The following GRAMD4 variants were observed in gnomAD, a reference collection of about 807,000 sequenced individuals.
GRAMD4 encodes GRAM domain containing 4.
In GRAMD4, 25 loss-of-function variants were observed where a neutral mutation model predicts 83.9. The ratio of observed to expected loss-of-function variants is 0.30; its 90% CI spans 0.22 to 0.42. The LOEUF is 0.42. GRAMD4 is among the 10% of genes least tolerant of loss of function. GRAMD4 has a pLI of 1.00. For missense variants in GRAMD4, 593 were observed against 788.7 expected (o/e 0.75, Z 2.97); for synonymous variants, 336 against 320.9 (o/e 1.05, Z -0.50).
At chr22:46,668,940 A>C (rs2076711) in intron 13 of GRAMD4, 32 bp downstream of exon 13, 343,281 of 1,252,112 alleles carry the variant, frequency 0.27, 50,197 homozygotes, top group East Asian at 0.4. Context: ...CTGTAGCTTC[A>C]GGAGGAGGGA....
chr22:46,605,720 A>G (rs1004052782), intron 1 of GRAMD4, among the ~76,000 whole-genome samples: 3 of 148,794 alleles, frequency 2.0e-5, no homozygotes, highest in African/African-American at 7.4e-5. Flanking sequence ...GCATCTCTGC[A>G]TGGGCCTATG....
chr22:46,651,639 G>A (rs2082167763), intron 3 of GRAMD4, among the ~76,000 whole-genome samples: 1 of 152,230 alleles, frequency 6.6e-6, no homozygotes, highest in African/African-American at 2.4e-5. Flanking sequence ...GGGGTCTTGG[G>A]AGAGCAGGTG....
At chr22:46,668,254 C>A in intron 11 of GRAMD4, 87 bp downstream of exon 11, 2 of 840,572 alleles carry the variant, frequency 2.4e-6, no homozygotes, top group South Asian at 1.5e-5. Context: ...AGGGGTAGGT[C>A]TCCGCCGGCC....
chr22:46,592,915 C>A lies in GRAMD4; in HGVS notation c.-50+15625C>A, dbSNP rs189637681. ...TTATGAAGTATTCCAGAATCACTTA[C>A]ATGAATATTTTGTCCTAAATTCTGT... On this transcript the variant is annotated intron_variant, in intron 1 of 1. Coordinates refer to the GRAMD4 transcript ENST00000431155. 4.4e-4 allele frequency among the ~76,000 whole-genome samples: 67 copies of A among 152,302 alleles called. 1 individual carries two copies. The highest frequency in any genetic ancestry group is 1.5e-3 in the African/African-American group (61 of 41,566).
chr22:46,630,276 T>C (rs576248046), intron 2 of GRAMD4, among the ~76,000 whole-genome samples: 1 of 152,286 alleles, frequency 6.6e-6, no homozygotes, highest in South Asian at 2.1e-4. Flanking sequence ...TCCACCCGCC[T>C]CAGCCTCCCA....
At chr22:46,593,243 C>T (rs930426312) in intron 1 of GRAMD4, among the ~76,000 whole-genome samples, 2 of 152,042 alleles carry the variant, frequency 1.3e-5, no homozygotes, top group African/African-American at 4.8e-5. Context: ...CCTGATGAAC[C>T]ATCACGGGAT....
chr22:46,603,972 G>T (rs2147063764), intron 1 of GRAMD4, among the ~76,000 whole-genome samples: 1 of 152,300 alleles, frequency 6.6e-6, no homozygotes, highest in Non-Finnish European at 1.5e-5. Context: ...TTTTGGGAAG[G>T]TGTGAGGTGC....
Position 46,584,567 on chromosome 22 carries a change from G to A in GRAMD4, c.-50+7277G>A, listed in dbSNP as rs375398117. On this transcript the variant is annotated intron_variant, in intron 1 of 1. Coordinates refer to the GRAMD4 transcript ENST00000431155. Reference sequence around the variant, plus strand: ...ACACATCTACTTAATTGTTAGTACCGGTGTGTCTGCGTAGTGGGACTGGAG... The same window carrying A: ...ACACATCTACTTAATTGTTAGTACCAGTGTGTCTGCGTAGTGGGACTGGAG... Among the ~76,000 whole-genome samples, 20 of 152,230 alleles carry A rather than the reference G, an allele frequency of 1.3e-4. No homozygotes were observed. In the South Asian group the frequency reaches 3.1e-3, roughly 24 times the overall value.
chr22:46,600,050 C>T (rs925990571), intron 1 of GRAMD4, among the ~76,000 whole-genome samples: 4 of 152,250 alleles, frequency 2.6e-5, no homozygotes, highest in Non-Finnish European at 4.4e-5. Context: ...AAGGGTCCTG[C>T]GGAGAGTGGA....
At chr22:46,665,237 G>A (rs1035547070) in intron 8 of GRAMD4, among the ~76,000 whole-genome samples, 8 of 152,206 alleles carry the variant, frequency 5.3e-5, no homozygotes, top group African/African-American at 9.7e-5. Flanking sequence ...AGGTGGCCCC[G>A]GGCATGCACC....
At chr22:46,648,747 CATGG>C (rs2082112110) in intron 3 of GRAMD4, among the ~76,000 whole-genome samples, 1 of 34,190 alleles carries the variant, frequency 2.9e-5, no homozygotes. Flanking sequence ...TGGATGGATG[CATGG>C]ATGGATGGAT....
chr22:46,662,910 G>A (rs2082349764), intron 5 of GRAMD4, 130 bp from the exon 6 acceptor site: 1 of 768,794 alleles, frequency 1.3e-6, no homozygotes, highest in Non-Finnish European at 2.1e-6. Flanking sequence ...ACCTACCCCC[G>A]AGCATTCCTT....
In GRAMD4 at chr22:46,664,130, T is replaced by G; in HGVS notation, c.717+13T>G. ...CATTGCCTTCACCGTGAGTGGGTCC[T>G]CCAGGGGCCGAGCAGGGTGGGTGGG... On this transcript the variant is annotated intron_variant, in intron 8 of 18. Transcript: ENST00000406902. 1.3e-6 allele frequency: 2 copies of G among 1,563,342 alleles called. No homozygotes were observed. The highest frequency in any genetic ancestry group is 1.8e-6 in the Non-Finnish European group (2 of 1,137,294).
downstream of GRAMD4, among the ~76,000 whole-genome samples, chr22:46,681,180 A>C (rs2080583): frequency 0.06 from 7,489 of 124,028 alleles, 304 homozygotes; most frequent in African/African-American, 0.13. Flanking sequence ...CCACACAGAC[A>C]GGGGGCAGTG....
At position 46,678,972 on chromosome 22, in the gene GRAMD4, G is replaced by A. The variant is rs747670035; in HGVS notation, c.*1721G>A. 542 of 985,658 alleles carry A rather than the reference G, an allele frequency of 5.5e-4. 1 individual carries two copies. Among genetic ancestry groups the A allele is most frequent in the Non-Finnish European group, 6.3e-4 (525 of 829,998 alleles). 61.1% of individuals were successfully genotyped at this position (985,658 alleles called of 1,614,324 possible). On this transcript the variant is annotated 3_prime_UTR_variant, in exon 19 of 19. Coordinates refer to ENST00000406902, the MANE Select transcript of GRAMD4 (RefSeq NM_015124.5). Reference sequence around the variant, plus strand: ...CCTTTCCCGAATGGGGACAGAACCCGCTCTGAGCCGTGGGTCTGGCTCCTG... The same window carrying A: ...CCTTTCCCGAATGGGGACAGAACCCACTCTGAGCCGTGGGTCTGGCTCCTG...
intron 10 of GRAMD4, among the ~76,000 whole-genome samples, chr22:46,667,725 G>C (rs1426232671): frequency 6.6e-6 from 1 of 152,258 alleles, no homozygotes; most frequent in Non-Finnish European, 1.5e-5. Context: ...AGGAGACCTT[G>C]AGAGGCTCTT....
At chr22:46,649,940 TGGAG>T (rs969449165) in intron 3 of GRAMD4, among the ~76,000 whole-genome samples, 35 of 152,210 alleles carry the variant, frequency 2.3e-4, no homozygotes, top group African/African-American at 7.9e-4. Flanking sequence ...GGTGATTCGA[TGGAG>T]GGAGTGCCTG....
At chr22:46,657,100 CT>C (rs1413828889) in intron 3 of GRAMD4, among the ~76,000 whole-genome samples, 1 of 152,232 alleles carries the variant, frequency 6.6e-6, no homozygotes, top group African/African-American at 2.4e-5. Flanking sequence ...GGCCACCTGC[CT>C]GAGCCTGTCA....
intron 16 of GRAMD4, 44 bp downstream of exon 16, chr22:46,674,794 C>T (rs759747901): frequency 3.6e-6 from 5 of 1,376,430 alleles, no homozygotes; most frequent in South Asian, 3.5e-5. Flanking sequence ...GGGGAGGGGG[C>T]GCAGGAGGCT....
Sources: allele counts gnomAD v4.1 joint callset (sites outside exome capture counted in the v4.1 genomes callset), GRCh38; gene constraint gnomAD v4.1.1; transcripts MANE v1.5; gene names NCBI Gene and HGNC (gene_info 2026-07-23, HGNC 2026-07-21).